The following RBM28 variants were observed in gnomAD, a reference collection of about 807,000 sequenced individuals.
RBM28 encodes RNA binding motif protein 28, also known as RNA-binding protein 28.
Under a neutral mutation model 98.3 loss-of-function variants are expected in RBM28, and 78 were observed. The observed-to-expected ratio is 0.79, with a 90% CI of 0.66 to 0.96. The LOEUF (loss-of-function observed/expected upper bound fraction) is 0.96, where lower values mean the gene tolerates loss of function less well. Ranked by LOEUF, RBM28 falls within the 40% of genes least tolerant of loss-of-function variation. RBM28 has a pLI of 0.00. For synonymous variants in RBM28, 306 were observed against 330.9 expected, an observed-to-expected ratio of 0.92 and a Z score of 0.82; for missense variants, 838 against 913.0, an observed-to-expected ratio of 0.92 and a Z score of 1.06.
chr7:128,340,941 C>A (rs1454181124), intron 1 of RBM28, among the ~76,000 whole-genome samples: 1 of 152,184 alleles, frequency 6.6e-6, no homozygotes, highest in East Asian at 1.9e-4. Context: ...CCTCACCAGC[C>A]CCCATGTTCT....
Position 128,297,886 on chromosome 7 carries a change from A to G in RBM28, c.*12911T>C, listed in dbSNP as rs1173302322. ...ATCATTCTCAGTAAACTATCGCAAG[A>G]ACAAAAAACCAAACACCGCATATTC... On this transcript the variant is annotated 3_prime_UTR_variant, in exon 19 of 19. Transcript: ENST00000223073. 1 of 149,724 alleles carries G rather than the reference A, an allele frequency of 6.7e-6. No individual in the cohort carries two copies. Among genetic ancestry groups the G allele is most frequent in the Non-Finnish European group, 1.5e-5 (1 of 67,500 alleles). The allele number at this position is 149,724 out of a possible 1,614,324, so 9.3% of individuals were successfully genotyped here.
At chr7:128,325,014 A>G (rs1327357078) in intron 11 of RBM28, among the ~76,000 whole-genome samples, 1 of 152,140 alleles carries the variant, frequency 6.6e-6, no homozygotes, top group African/African-American at 2.4e-5. Context: ...CACCTCAAAA[A>G]AAATAAAATA....
At chr7:128,341,909 G>A (rs551010925) in intron 1 of RBM28, among the ~76,000 whole-genome samples, 32 of 152,312 alleles carry the variant, frequency 2.1e-4, no homozygotes, top group African/African-American at 7.0e-4. Context: ...GGTGGCACAT[G>A]CCTGTAATCC....
chr7:128,321,530 T>C, intron 13 of RBM28, 106 bp from the exon 14 acceptor site: 1 of 1,409,832 alleles, frequency 7.1e-7, no homozygotes, highest in East Asian at 2.3e-5. Flanking sequence ...TAACCACACA[T>C]ATAGAAAACG....
At chr7:128,326,920 G>A (rs986264199) in intron 10 of RBM28, among the ~76,000 whole-genome samples, 7 of 151,756 alleles carry the variant, frequency 4.6e-5, no homozygotes, top group African/African-American at 1.5e-4. Context: ...CAGGAAGATC[G>A]CTTAAGCCCA....
chr7:128,302,474 A>C lies in RBM28; in HGVS notation c.*8323T>G, dbSNP rs1795795064. Reference sequence around the variant, plus strand: ...ATAGCCATTATCTGACCTCCAGGGGAATGAAGATGTCTGCAGAATTCGGGG... The same window carrying C: ...ATAGCCATTATCTGACCTCCAGGGGCATGAAGATGTCTGCAGAATTCGGGG... On this transcript the variant is annotated 3_prime_UTR_variant, in exon 19 of 19. Coordinates refer to ENST00000223073, the MANE Select transcript of RBM28 (RefSeq NM_018077.3). 6.6e-6 allele frequency: 1 copy of C among 152,190 alleles called. No homozygotes were observed. Among genetic ancestry groups the C allele is most frequent in the African/African-American group, 2.4e-5 (1 of 41,428 alleles). 9.4% of individuals were successfully genotyped at this position (152,190 alleles called of 1,614,324 possible). A position where few individuals can be genotyped will look rare whatever the true frequency, so the allele number is the denominator to read the frequency against.
chr7:128,299,954 C>T lies in RBM28; in HGVS notation c.*10843G>A, dbSNP rs1249382074. 3.9e-5 allele frequency: 6 copies of T among 152,232 alleles called. No individual in the cohort carries two copies. The highest frequency in any genetic ancestry group is 1.9e-4 in the East Asian group (1 of 5,200). The allele number at this position is 152,232 out of a possible 1,614,324, so 9.4% of individuals were successfully genotyped here. On this transcript the variant is annotated 3_prime_UTR_variant, in exon 19 of 19. Transcript: ENST00000223073. ...AGTGATGCATCTATATGCCAGGCAA[C>T]GCCAAGAAATTCCTCATGAAGGAAC... is the stretch of plus-strand genomic sequence containing the variant.
chr7:128,314,163 CA>C (rs1562948493), intron 17 of RBM28, among the ~76,000 whole-genome samples: 1 of 152,096 alleles, frequency 6.6e-6, no homozygotes, highest in Non-Finnish European at 1.5e-5. Flanking sequence ...GGGGTTTCAG[CA>C]TGTTAACCAG....
chr7:128,319,090 TC>T (rs752774125), intron 14 of RBM28, among the ~76,000 whole-genome samples: 2 of 152,174 alleles, frequency 1.3e-5, no homozygotes, highest in Non-Finnish European at 2.9e-5. Flanking sequence ...AGAAAACTGA[TC>T]ATTTACATGC....
rs1795810112 is a variant in RBM28, at chr7:128,303,670, G to A, written c.*7127C>T. 6.6e-6 allele frequency: 1 copy of A among 152,108 alleles called. No individual in the cohort carries two copies. Among genetic ancestry groups the A allele is most frequent in the African/African-American group, 2.4e-5 (1 of 41,396 alleles). 9.4% of individuals were successfully genotyped at this position (152,108 alleles called of 1,614,324 possible). A position where few individuals can be genotyped will look rare whatever the true frequency, so the allele number is the denominator to read the frequency against. ...CTAAAAGTATCTTTCCATCCCTGTT[G>A]GTATAGTGGTTAGGGGAAAAAAAAT... On this transcript the variant is annotated 3_prime_UTR_variant, in exon 19 of 19. Coordinates refer to ENST00000223073, the MANE Select transcript of RBM28 (RefSeq NM_018077.3).
chr7:128,326,298 G>A (rs550459319), intron 10 of RBM28, among the ~76,000 whole-genome samples: 1,995 of 136,436 alleles, frequency 0.015, 47 homozygotes, highest in African/African-American at 0.052. Flanking sequence ...GCAAGACTCC[G>A]TCTCAAAAAA....
rs1292949757 is a variant in RBM28 at position 128,338,709 on chromosome 7, TG to T, written c.448+16del. On this transcript the variant is annotated intron_variant, in intron 4 of 18. Transcript: ENST00000223073. ...GTTAACTAACGTAATCCACACCAAG[TG>T]AAGGTTTATTAGTACCTGGTTTCCT... 4 of 1,534,318 alleles carry T rather than the reference TG, an allele frequency of 2.6e-6. No homozygotes were observed. The highest frequency in any genetic ancestry group is 3.6e-6 in the Non-Finnish European group (4 of 1,107,382).
chr7:128,340,956 T>C (rs75623174), intron 1 of RBM28, among the ~76,000 whole-genome samples: 2,794 of 152,310 alleles, frequency 0.018, 92 homozygotes, highest in African/African-American at 0.064. Context: ...TGTTCTTCCA[T>C]AGGACTCCAC....
Position 128,313,251 on chromosome 7 carries a change from T to C in RBM28, c.2069A>G (p.Lys690Arg), listed in dbSNP as rs761423086. Reference sequence around the variant, plus strand: ...CTTTGGCTTTTTGGGATGGACGGGCTTCACTTTGCCTTTGTCCCGCAACCT... The same window carrying C: ...CTTTGGCTTTTTGGGATGGACGGGCCTCACTTTGCCTTTGTCCCGCAACCT... ...KIRLRDKGKV[K>R]PVHPKKPKPQ... is the part of the protein sequence containing the mutation. The change falls in exon 18 of 19, where the codon AAG becomes AGG. Residue 690 changes from lysine (K) to arginine (R), a missense_variant. By Grantham distance (26) the Lys-to-Arg change is conservative. Coordinates refer to ENST00000223073, the MANE Select transcript of RBM28 (RefSeq NM_018077.3). 2.5e-6 allele frequency: 4 copies of C among 1,614,168 alleles called. No individual in the cohort carries two copies. The highest frequency in any genetic ancestry group is 4.5e-5 in the East Asian group (2 of 44,882).
At position 128,337,162 on chromosome 7, in the gene RBM28, T is replaced by TAC. The variant is rs1328966659; in HGVS notation, c.581_582insGT (p.Lys196IlefsTer10). ...CAGAAACAGACTGTGTATCTTTATATTTATCCTTTGCCACGGCCCAATCCA... is the reference window on the plus strand; with the variant it reads ...CAGAAACAGACTGTGTATCTTTATATACTTATCCTTTGCCACGGCCCAATCCA... On this transcript the variant is annotated frameshift_variant, in exon 6 of 19. Coordinates refer to ENST00000223073, the MANE Select transcript of RBM28 (RefSeq NM_018077.3). LOFTEE classifies it high-confidence loss of function. 6.2e-7 allele frequency: 1 copy of TAC among 1,614,182 alleles called. No homozygotes were observed. Among genetic ancestry groups the TAC allele is most frequent in the East Asian group, 2.2e-5 (1 of 44,886 alleles).
intron 10 of RBM28, among the ~76,000 whole-genome samples, chr7:128,329,001 C>T (rs891588524): frequency 5.3e-5 from 8 of 150,946 alleles, no homozygotes; most frequent in African/African-American, 1.5e-4. Flanking sequence ...CTCACAGTCT[C>T]GAGTGCAGTG....
At position 128,343,718 on chromosome 7, in the gene RBM28, G is replaced by A; in HGVS notation, c.76C>T (p.Gln26Ter). 6.2e-7 allele frequency: 1 copy of A among 1,611,852 alleles called. No homozygotes were observed. Among genetic ancestry groups the A allele is most frequent in the Non-Finnish European group, 8.5e-7 (1 of 1,178,872 alleles). ...RSEQLEELFS[Q>*]VGPVKQCFVV... is the part of the protein sequence containing the mutation. ...AAGCACTGCTTCACCGGCCCCACCT[G>A]ACTGAACAGTTCCTCCAGCTGCTCA... is the stretch of plus-strand genomic sequence containing the variant. The change falls in exon 1 of 19, where the codon CAG becomes TAG. Residue 26 changes from glutamine (Q) to a stop codon, truncating the protein, a stop_gained. Coordinates refer to ENST00000223073, the MANE Select transcript of RBM28 (RefSeq NM_018077.3). LOFTEE classifies it high-confidence loss of function.
rs1796590980 is a variant in RBM28 at position 128,335,943 on chromosome 7, T to C, written c.713A>G (p.Asp238Gly). 1 of 1,605,566 alleles carries C rather than the reference T, an allele frequency of 6.2e-7. No homozygotes were observed. The highest frequency in any genetic ancestry group is 8.5e-7 in the Non-Finnish European group (1 of 1,172,554). Residue 238 changes from aspartate to glycine, a missense_variant, in exon 7 of 19, where the codon GAT (aspartate) becomes GGT (glycine). Transcript: ENST00000223073. ...MEEEENDDDD[D>G]DDDEEDGVFD... ...AACCCCATCTTCTTCATCATCATCATCGTCATCATCATCGTTTTCTTCCTC... is the reference window on the plus strand; with the variant it reads ...AACCCCATCTTCTTCATCATCATCACCGTCATCATCATCGTTTTCTTCCTC...
intron 6 of RBM28, 26 bp from the exon 7 acceptor site, chr7:128,336,068 G>A (rs367976769): frequency 1.1e-5 from 17 of 1,576,366 alleles, no homozygotes; most frequent in African/African-American, 8.1e-5. Context: ...AAGAAAGGAG[G>A]AATTCATTTA....
Sources: gnomAD v4.1 joint callset for allele counts (sites outside exome capture counted in the v4.1 genomes callset) on GRCh38, gnomAD v4.1.1 for gene constraint, MANE v1.5 for transcripts, NCBI Gene and HGNC (gene_info 2026-07-23, HGNC 2026-07-21) for gene names.